MICU2: variants seen among roughly 807,000 people sequenced by gnomAD.
MICU2 encodes calcium uptake protein 2, mitochondrial.
MICU2 carries 64 observed loss-of-function variants against 60.4 expected under a neutral mutation model. That is an observed-to-expected ratio of 1.06 (90% CI 0.87 to 1.31). The LOEUF (loss-of-function observed/expected upper bound fraction) is 1.31, where lower values mean the gene tolerates loss of function less well. Ranked by LOEUF, MICU2 falls within the 50% of genes most tolerant of loss-of-function variation. The pLI, the probability that MICU2 is intolerant of heterozygous loss-of-function variation, is 0.00. For synonymous variants in MICU2, 201 were observed against 175.0 expected, an observed-to-expected ratio of 1.15 and a Z score of -1.17; for missense variants, 569 against 531.0, an observed-to-expected ratio of 1.07 and a Z score of -0.70.
chr13:21,533,455 C>T (rs1887054874), intron 4 of MICU2, among the ~76,000 whole-genome samples: 1 of 151,742 alleles, frequency 6.6e-6, no homozygotes, highest in African/African-American at 2.4e-5. Context: ...TCCCGAGTAG[C>T]TGGGAATACA....
intron 4 of MICU2, chr13:21,530,871 C>T (rs1187908270): frequency 3.7e-5 from 28 of 749,396 alleles, no homozygotes; most frequent in South Asian, 1.7e-4. Context: ...CACCCTCCTA[C>T]GTCCTGTACA....
chr13:21,582,226 A>G (rs1033002008), intron 1 of MICU2, among the ~76,000 whole-genome samples: 4 of 139,778 alleles, frequency 2.9e-5, no homozygotes, highest in African/African-American at 1.1e-4. Flanking sequence ...GTGGAACTAC[A>G]ATAATCATGT....
At chr13:21,548,607 T>C (rs1382788804) in intron 2 of MICU2, among the ~76,000 whole-genome samples, 1 of 152,176 alleles carries the variant, frequency 6.6e-6, no homozygotes, top group Non-Finnish European at 1.5e-5. Flanking sequence ...GGTCAGGTAG[T>C]TTACCCAAGG....
rs191651001 is a variant in MICU2, at chr13:21,595,658, C to T, written c.210+8281G>A. 2.1e-3 allele frequency among the ~76,000 whole-genome samples: 318 copies of T among 152,378 alleles called. 1 individual carries two copies. The highest frequency in any genetic ancestry group is 3.1e-3 in the Non-Finnish European group (213 of 68,044). On this transcript the variant is annotated intron_variant, in intron 1 of 11. Transcript: ENST00000382374. ...GCAGGTCAATACTGTACTCTAGTTCCAGCCCACTCACCCCTTCCACCAATG... is the reference window on the plus strand; with the variant it reads ...GCAGGTCAATACTGTACTCTAGTTCTAGCCCACTCACCCCTTCCACCAATG...
chr13:21,568,687 T>C (rs145306889), intron 1 of MICU2, among the ~76,000 whole-genome samples: 1 of 152,304 alleles, frequency 6.6e-6, no homozygotes, highest in African/African-American at 2.4e-5. Context: ...CATAACAAGA[T>C]AGGCCATTAA....
intron 1 of MICU2, among the ~76,000 whole-genome samples, chr13:21,578,737 A>G (rs1451315012): frequency 6.6e-6 from 1 of 152,232 alleles, no homozygotes; most frequent in Non-Finnish European, 1.5e-5. Context: ...CTCACTAAAG[A>G]TATACACAAA....
At chr13:21,545,376 G>A (rs1186332267) in intron 2 of MICU2, among the ~76,000 whole-genome samples, 1 of 152,150 alleles carries the variant, frequency 6.6e-6, no homozygotes, top group Non-Finnish European at 1.5e-5. Flanking sequence ...ACTGATATGT[G>A]GAAGCTAAAA....
At chr13:21,570,098 T>C (rs895562239) in intron 1 of MICU2, among the ~76,000 whole-genome samples, 18 of 152,360 alleles carry the variant, frequency 1.2e-4, no homozygotes, top group Non-Finnish European at 2.2e-4. Context: ...CTAACTGTTG[T>C]CCATTTCCTA....
intron 6 of MICU2, chr13:21,515,650 G>T: frequency 2.9e-6 from 1 of 340,756 alleles, no homozygotes; most frequent in Admixed American, 3.4e-5. Context: ...AATCAATTAG[G>T]AGACAAACCT....
At chr13:21,584,015 T>G (rs1888405012) in intron 1 of MICU2, among the ~76,000 whole-genome samples, 1 of 152,358 alleles carries the variant, frequency 6.6e-6, no homozygotes, top group East Asian at 1.9e-4. Flanking sequence ...TTATTCATAT[T>G]TTCCTTTGAA....
chr13:21,529,902 G>A (rs1311580504), intron 4 of MICU2, among the ~76,000 whole-genome samples: 3 of 152,188 alleles, frequency 2.0e-5, no homozygotes, highest in African/African-American at 7.2e-5. Context: ...GGATGGAGAA[G>A]GGGAAGGATC....
At chr13:21,557,207 T>C (rs1266951802) in intron 2 of MICU2, among the ~76,000 whole-genome samples, 4 of 152,186 alleles carry the variant, frequency 2.6e-5, no homozygotes, top group African/African-American at 7.2e-5. Flanking sequence ...AATGGGATTC[T>C]GCAATTTGAG....
intron 2 of MICU2, among the ~76,000 whole-genome samples, chr13:21,543,057 G>A (rs1385192601): frequency 6.6e-6 from 1 of 152,082 alleles, no homozygotes; most frequent in Non-Finnish European, 1.5e-5. Flanking sequence ...ATAAATATAT[G>A]TGACAACTTG....
rs1447153904 is a variant in MICU2, at chr13:21,503,022, T to C, written c.837A>G (p.Arg279=). The C allele has an allele frequency of 2.5e-6, 4 of 1,610,826 alleles. No individual in the cohort carries two copies. Among genetic ancestry groups the C allele is most frequent in the Admixed American group, 1.7e-5 (1 of 59,414 alleles). ...GTAGCCACTCTGCAAAGTCTTCTTT[T>C]CTCATGAAACTCAAACCTTTAGAAA... The part of the protein sequence containing the change: ...LQFSKGLSFM[R]KEDFAEWLLF... The change falls in exon 9 of 12, where the codon AGA becomes AGG. Residue 279 remains arginine (R), a synonymous_variant. Transcript: ENST00000382374.
chr13:21,533,614 C>T (rs950703903), intron 4 of MICU2, among the ~76,000 whole-genome samples: 1 of 152,136 alleles, frequency 6.6e-6, no homozygotes, highest in African/African-American at 2.4e-5. Flanking sequence ...TGAGCCACTG[C>T]GCCCGGACAA....
chr13:21,551,283 A>G (rs933753676), intron 2 of MICU2: 8 of 152,390 alleles, frequency 5.2e-5, no homozygotes, highest in Admixed American at 3.9e-4. Context: ...ACAGACTTAT[A>G]TATTTTTTAT....
intron 4 of MICU2, chr13:21,530,627 T>C (rs116942699): frequency 0.031 from 8,752 of 278,440 alleles, 203 homozygotes; most frequent in Non-Finnish European, 0.043. Context: ...TTAGAAAGAT[T>C]ATCTACTATG....
chr13:21,601,817 G>C (rs573586567), intron 1 of MICU2, among the ~76,000 whole-genome samples: 1 of 152,208 alleles, frequency 6.6e-6, no homozygotes, highest in South Asian at 2.1e-4. Context: ...TTTAAAATGT[G>C]CATTTTGGCC....
At chr13:21,598,770 T>C (rs951397389) in intron 1 of MICU2, among the ~76,000 whole-genome samples, 1 of 152,196 alleles carries the variant, frequency 6.6e-6, no homozygotes, top group African/African-American at 2.4e-5. Flanking sequence ...AGTCTCATCA[T>C]CTACTGTTGA....
Sources: allele counts gnomAD v4.1 joint callset (sites outside exome capture counted in the v4.1 genomes callset), GRCh38; gene constraint gnomAD v4.1.1; transcripts MANE v1.5; gene names NCBI Gene and HGNC (gene_info 2026-07-23, HGNC 2026-07-21).